The following GALNTL6 variants were observed in gnomAD, a reference collection of about 807,000 sequenced individuals.
The protein encoded by GALNTL6 is polypeptide N-acetylgalactosaminyltransferase like 6.
A neutral mutation model predicts 73.7 loss-of-function variants in GALNTL6; 46 were observed. The observed-to-expected ratio is 0.62, with a 90% confidence interval of 0.49 to 0.80. The LOEUF (loss-of-function observed/expected upper bound fraction) is 0.80, where lower values mean the gene tolerates loss of function less well. Ranked by LOEUF, GALNTL6 falls within the 30% of genes least tolerant of loss-of-function variation. GALNTL6 has a pLI of 0.00. For synonymous variants in GALNTL6, 259 were observed against 263.7 expected, an observed-to-expected ratio of 0.98 and a Z score of 0.17; for missense variants, 604 against 755.0, an observed-to-expected ratio of 0.80 and a Z score of 2.34.
At chr4:172,824,290 G>T (rs965378827) in intron 7 of GALNTL6, among the ~76,000 whole-genome samples, 9 of 152,052 alleles carry the variant, frequency 5.9e-5, no homozygotes, top group African/African-American at 2.2e-4. Flanking sequence ...GAATTACTCT[G>T]TTACTCTGCC....
chr4:172,439,172 TCACACACACACACACACA>T (rs57281407), intron 5 of GALNTL6, among the ~76,000 whole-genome samples: 3 of 145,730 alleles, frequency 2.1e-5, no homozygotes, highest in South Asian at 2.3e-4. Flanking sequence ...TCTCTCCCCT[TCACACACACACACACACA>T]CACACACACA....
intron 2 of GALNTL6, among the ~76,000 whole-genome samples, chr4:172,061,651 A>T (rs1731203240): frequency 1.3e-5 from 2 of 152,040 alleles, no homozygotes; most frequent in African/African-American, 4.8e-5. Context: ...TTTTTCTCTT[A>T]ATTAACCTTT....
intron 2 of GALNTL6, among the ~76,000 whole-genome samples, chr4:172,191,192 C>A (rs1306539940): frequency 6.6e-6 from 1 of 152,186 alleles, no homozygotes; most frequent in Non-Finnish European, 1.5e-5. Context: ...TCTTTGTTCA[C>A]ATAAACTAGG....
At chr4:172,782,988 G>A (rs1739453062) in intron 5 of GALNTL6, among the ~76,000 whole-genome samples, 1 of 151,914 alleles carries the variant, frequency 6.6e-6, no homozygotes, top group South Asian at 2.1e-4. Context: ...ACAGTAATTG[G>A]CAGTTACAAA....
chr4:172,679,731 CA>C (rs1435959110), intron 5 of GALNTL6, among the ~76,000 whole-genome samples: 2 of 152,086 alleles, frequency 1.3e-5, no homozygotes, highest in African/African-American at 2.4e-5. Flanking sequence ...GACAGCTGTC[CA>C]AATGGTATAA....
chr4:171,862,575 G>A (rs1735860082), intron 2 of GALNTL6, among the ~76,000 whole-genome samples: 1 of 152,024 alleles, frequency 6.6e-6, no homozygotes, highest in Non-Finnish European at 1.5e-5. Context: ...GGAGAAATGA[G>A]ATGAATAGAC....
At chr4:172,336,572 C>CCTAGATTTCT (rs1206335298) in intron 4 of GALNTL6, among the ~76,000 whole-genome samples, 1 of 151,760 alleles carries the variant, frequency 6.6e-6, no homozygotes, top group African/African-American at 2.4e-5. Flanking sequence ...ACCATGCCAG[C>CCTAGATTTCT]CTAGATTTCT....
intron 5 of GALNTL6, among the ~76,000 whole-genome samples, chr4:172,401,341 A>G (rs188746622): frequency 1.5e-3 from 223 of 152,252 alleles, no homozygotes; most frequent in African/African-American, 5.1e-3. Flanking sequence ...TATTAATATC[A>G]TTTTTTAAAA....
At chr4:172,200,624 T>G (rs542258015) in intron 2 of GALNTL6, among the ~76,000 whole-genome samples, 1 of 152,354 alleles carries the variant, frequency 6.6e-6, no homozygotes, top group African/African-American at 2.4e-5. Context: ...TAATATAATT[T>G]TATTTTGCTT....
chr4:171,816,737 A>G (rs1050432762), intron 2 of GALNTL6, among the ~76,000 whole-genome samples: 6 of 152,018 alleles, frequency 3.9e-5, no homozygotes, highest in Non-Finnish European at 8.8e-5. Context: ...CTTAATGAAA[A>G]ATATAATTCA....
At chr4:172,593,251 CTTGT>C (rs751598031) in intron 5 of GALNTL6, among the ~76,000 whole-genome samples, 4 of 152,152 alleles carry the variant, frequency 2.6e-5, no homozygotes, top group Non-Finnish European at 4.4e-5. Context: ...TCTCCATAAT[CTTGT>C]TTGTTACCTT....
At chr4:172,132,805 T>G (rs550091438) in intron 2 of GALNTL6, among the ~76,000 whole-genome samples, 15 of 152,320 alleles carry the variant, frequency 9.8e-5, no homozygotes, top group African/African-American at 2.9e-4. Context: ...AAAATCTTAC[T>G]CTTATGAATC....
chr4:172,394,924 C>A (rs1352410844), intron 5 of GALNTL6, among the ~76,000 whole-genome samples: 2 of 152,156 alleles, frequency 1.3e-5, no homozygotes, highest in Non-Finnish European at 2.9e-5. Context: ...CAATTACTAT[C>A]ATTTATATTA....
At position 172,787,335 on chromosome 4, in the gene GALNTL6, C is replaced by T. The variant is rs559281194; in HGVS notation, c.554-22026C>T. Among the ~76,000 whole-genome samples, 3 of 152,258 alleles carry T rather than the reference C, an allele frequency of 2.0e-5. No individual in the cohort carries two copies. The East Asian group carries it at 5.8e-4, about 29-fold the overall frequency. ...ATTAGAGTGCCAGTTTCAGATAGATCAGGGTTTCTTAATCAGGGGCACTTT... is the reference window on the plus strand; with the variant it reads ...ATTAGAGTGCCAGTTTCAGATAGATTAGGGTTTCTTAATCAGGGGCACTTT... On this transcript the variant is annotated intron_variant, in intron 5 of 12. Coordinates refer to ENST00000506823, the MANE Select transcript of GALNTL6 (RefSeq NM_001034845.3).
At chr4:172,301,292 A>G (rs753863144) in intron 3 of GALNTL6, among the ~76,000 whole-genome samples, 13 of 152,016 alleles carry the variant, frequency 8.6e-5, no homozygotes, top group Non-Finnish European at 1.8e-4. Flanking sequence ...AGGCTTTTAA[A>G]CTTCTTTGCC....
intron 5 of GALNTL6, among the ~76,000 whole-genome samples, chr4:172,437,900 T>G (rs1299050036): frequency 1.3e-5 from 2 of 152,108 alleles, no homozygotes; most frequent in Non-Finnish European, 2.9e-5. Flanking sequence ...TTAGATGTGA[T>G]AGGCATGCAA....
At chr4:172,763,722 G>T (rs12642442) in intron 5 of GALNTL6, among the ~76,000 whole-genome samples, 68,392 of 152,026 alleles carry the variant, frequency 0.45, 17,634 homozygotes, top group East Asian at 0.72. Context: ...TAGAATCAGA[G>T]AAATAGCAGT....
chr4:171,974,355 G>C (rs537619017), intron 2 of GALNTL6, among the ~76,000 whole-genome samples: 1 of 152,268 alleles, frequency 6.6e-6, no homozygotes, highest in East Asian at 1.9e-4. Flanking sequence ...AGCAGCTGAA[G>C]TCGACCATTT....
chr4:172,714,336 C>T (rs1460959607), intron 5 of GALNTL6, among the ~76,000 whole-genome samples: 3 of 149,906 alleles, frequency 2.0e-5, no homozygotes, highest in Admixed American at 2.0e-4. Context: ...CACACACACA[C>T]ACTCATCTGC....
Sources: gnomAD v4.1 joint callset for allele counts (sites outside exome capture counted in the v4.1 genomes callset) on GRCh38, gnomAD v4.1.1 for gene constraint, MANE v1.5 for transcripts, NCBI Gene and HGNC (gene_info 2026-07-23, HGNC 2026-07-21) for gene names.